The following PAX3 variants were observed in gnomAD, a reference collection of about 807,000 sequenced individuals.
PAX3 encodes paired box 3.
A neutral mutation model predicts 51.6 loss-of-function variants in PAX3; 14 were observed. The observed-to-expected ratio is 0.27, with a 90% CI of 0.18 to 0.42. PAX3 has a LOEUF of 0.42. PAX3 is among the 10% of genes least tolerant of loss of function. The pLI, the probability that PAX3 is intolerant of heterozygous loss-of-function variation, is 1.00. For synonymous variants in PAX3, 280 were observed against 253.4 expected (o/e 1.11, Z -1.00); for missense variants, 540 against 642.8 (o/e 0.84, Z 1.73).
chr2:222,269,501 G>C (rs1470123839), intron 4 of PAX3, among the ~76,000 whole-genome samples: 3 of 152,190 alleles, frequency 2.0e-5, no homozygotes, highest in Non-Finnish European at 4.4e-5. Context: ...GCTTCGTGAA[G>C]AGGAGGCTGG....
chr2:222,201,298 A>AT lies in PAX3; in HGVS notation c.*109_*110insA. On this transcript the variant is annotated 3_prime_UTR_variant, in exon 9 of 9. Coordinates refer to ENST00000392070, the MANE Select transcript of PAX3 (RefSeq NM_181458.4). ...TGTCTCCTATTGGGACCACTGCCCC[A>AT]CCCCCCCCAACAAAAGGGTAATTTT... 6.3e-7 allele frequency: 1 copy of AT among 1,598,076 alleles called. No individual in the cohort carries two copies. The highest frequency in any genetic ancestry group is 8.5e-7 in the Non-Finnish European group (1 of 1,174,864).
intron 5 of PAX3, among the ~76,000 whole-genome samples, chr2:222,222,745 C>G (rs1348987905): frequency 1.3e-5 from 2 of 152,152 alleles, no homozygotes; most frequent in Non-Finnish European, 2.9e-5. Context: ...TAAAGGGAAT[C>G]AAGTAGGATC....
chr2:222,293,573 C>T, intron 4 of PAX3: 2 of 1,556,342 alleles, frequency 1.3e-6, no homozygotes, highest in South Asian at 2.3e-5. Context: ...CTTTCAATTC[C>T]CAGGCACACA....
intron 4 of PAX3, among the ~76,000 whole-genome samples, chr2:222,260,204 C>T (rs538659424): frequency 6.6e-4 from 101 of 152,138 alleles, no homozygotes; most frequent in Admixed American, 8.5e-4. Flanking sequence ...GAACTGAATG[C>T]TCTTCTGTTG....
At chr2:222,211,143 T>C (rs1377080679) in intron 7 of PAX3, among the ~76,000 whole-genome samples, 1 of 152,108 alleles carries the variant, frequency 6.6e-6, no homozygotes, top group Admixed American at 6.6e-5. Context: ...AGATTATAGG[T>C]GTGAGCCACC....
intron 7 of PAX3, among the ~76,000 whole-genome samples, chr2:222,203,887 G>C (rs1691403749): frequency 6.6e-6 from 1 of 152,056 alleles, no homozygotes; most frequent in Non-Finnish European, 1.5e-5. Flanking sequence ...AATTTGAACG[G>C]ATGTCCCTGC....
Position 222,277,804 on chromosome 2 carries a change from C to T in PAX3, c.586+16363G>A, listed in dbSNP as rs377601120. Among the ~76,000 whole-genome samples the T allele has an allele frequency of 9.2e-5, 14 of 151,960 alleles. No individual in the cohort carries two copies. In the South Asian group the frequency reaches 1.2e-3, roughly 14 times the overall value. On this transcript the variant is annotated intron_variant, in intron 4 of 8. Transcript: ENST00000392070. ...GAAAAATTAGCCTGGCATAGTGGCA[C>T]GTGCCTGTAGTCCCAGCTACTCGGG...
intron 4 of PAX3, chr2:222,264,831 CT>C (rs1341370387): frequency 6.6e-6 from 1 of 152,208 alleles, no homozygotes; most frequent in Non-Finnish European, 1.5e-5. Flanking sequence ...GTGACAGGAC[CT>C]CTTGTCTTCA....
At chr2:222,277,104 G>A (rs954773088) in intron 4 of PAX3, among the ~76,000 whole-genome samples, 2 of 152,180 alleles carry the variant, frequency 1.3e-5, no homozygotes, top group South Asian at 2.1e-4. Flanking sequence ...GGTAGATGCG[G>A]TTTTGTGGGA....
chr2:222,282,088 A>G (rs931515490), intron 4 of PAX3, among the ~76,000 whole-genome samples: 22 of 152,218 alleles, frequency 1.4e-4, no homozygotes, highest in African/African-American at 5.3e-4. Context: ...TGATTTCCAG[A>G]AATAAATCCT....
intron 4 of PAX3, among the ~76,000 whole-genome samples, chr2:222,274,232 A>G (rs1390964903): frequency 6.6e-6 from 1 of 152,182 alleles, no homozygotes; most frequent in African/African-American, 2.4e-5. Context: ...CATTATTAAT[A>G]TAAGTAATTT....
chr2:222,218,049 A>C (rs1321390683), intron 7 of PAX3, among the ~76,000 whole-genome samples: 1 of 152,218 alleles, frequency 6.6e-6, no homozygotes, highest in African/African-American at 2.4e-5. Context: ...ACAAAAACCA[A>C]GAGAACATAA....
At chr2:222,269,370 A>G (rs527488419) in intron 4 of PAX3, among the ~76,000 whole-genome samples, 1 of 152,248 alleles carries the variant, frequency 6.6e-6, no homozygotes, top group African/African-American at 2.4e-5. Flanking sequence ...TGCCCTTTGA[A>G]TTAATATCAA....
chr2:222,293,968 A>G, intron 4 of PAX3, 199 bp downstream of exon 4: 1 of 1,523,648 alleles, frequency 6.6e-7, no homozygotes, highest in South Asian at 1.3e-5. Context: ...AGAAAAACTA[A>G]GCAGAATAGA....
chr2:222,292,801 A>G (rs1695092257), intron 4 of PAX3, among the ~76,000 whole-genome samples: 1 of 152,226 alleles, frequency 6.6e-6, no homozygotes, highest in African/African-American at 2.4e-5. Flanking sequence ...GGCCTCTGTC[A>G]TAAAGCAAAG....
chr2:222,276,757 A>T (rs1694435548), intron 4 of PAX3, among the ~76,000 whole-genome samples: 1 of 152,208 alleles, frequency 6.6e-6, no homozygotes, highest in African/African-American at 2.4e-5. Context: ...TGCATCCTCC[A>T]ATTAAGGGTT....
chr2:222,264,625 AAAAG>A (rs1342974284), intron 4 of PAX3: 3 of 152,240 alleles, frequency 2.0e-5, no homozygotes, highest in Non-Finnish European at 4.4e-5. Context: ...TAAAATCATA[AAAAG>A]AAAGAAACTA....
At chr2:222,242,271 G>A (rs922384670) in intron 4 of PAX3, 5 of 152,090 alleles carry the variant, frequency 3.3e-5, no homozygotes, top group Admixed American at 1.3e-4. Context: ...ACTAGAGGCA[G>A]AACACAGATC....
chr2:222,226,423 A>G lies in PAX3; in HGVS notation c.793-5036T>C, dbSNP rs574275136. On this transcript the variant is annotated intron_variant, in intron 5 of 8. Transcript: ENST00000392070. ...AACAGGATGGGCAAGATTGAACAGG[A>G]GGAAGGCCATGCTCCCATGCATGTG... is the stretch of plus-strand genomic sequence containing the variant. Among the ~76,000 whole-genome samples, 9 of 152,222 alleles carry G rather than the reference A, an allele frequency of 5.9e-5. No homozygotes were observed. In the South Asian group the frequency reaches 1.7e-3, roughly 28 times the overall value.
Sources: allele counts gnomAD v4.1 joint callset (sites outside exome capture counted in the v4.1 genomes callset), GRCh38; gene constraint gnomAD v4.1.1; transcripts MANE v1.5; gene names NCBI Gene and HGNC (gene_info 2026-07-23, HGNC 2026-07-21).